The following GALK2 variants were observed in gnomAD, a reference collection of about 807,000 sequenced individuals.
The protein encoded by GALK2 is N-acetylgalactosamine kinase.
Under a neutral mutation model 52.4 loss-of-function variants are expected in GALK2, and 36 were observed. That is an observed-to-expected ratio of 0.69 (90% CI 0.53 to 0.91). GALK2 has a LOEUF of 0.91. GALK2 is among the 40% of genes least tolerant of loss of function. GALK2 has a pLI of 0.00. For missense variants in GALK2, 579 were observed against 559.1 expected, an observed-to-expected ratio of 1.04 and a Z score of -0.36; for synonymous variants, 176 against 199.1, an observed-to-expected ratio of 0.88 and a Z score of 0.98.
chr15:49,348,564 A>G (rs1409231912), intron 3 of GALK2, among the ~76,000 whole-genome samples: 1 of 152,234 alleles, frequency 6.6e-6, no homozygotes, highest in Admixed American at 6.5e-5. Context: ...ACCTCACAGA[A>G]TCACTCGGAG....
intron 1 of GALK2, among the ~76,000 whole-genome samples, chr15:49,182,007 A>T (rs1185918663): frequency 6.6e-6 from 1 of 152,130 alleles, no homozygotes; most frequent in African/African-American, 2.4e-5. Flanking sequence ...CTTTCCAATG[A>T]TAATCTTTTA....
At chr15:49,282,174 T>C in intron 6 of GALK2, 89 bp downstream of exon 6, 2 of 888,620 alleles carry the variant, frequency 2.3e-6, no homozygotes, top group Non-Finnish European at 3.7e-6. Flanking sequence ...CCAGGATGCT[T>C]GGTTATGGAC....
chr15:49,367,033 T>A (rs951227006), intron 3 of GALK2, among the ~76,000 whole-genome samples: 1 of 152,210 alleles, frequency 6.6e-6, no homozygotes, highest in African/African-American at 2.4e-5. Context: ...GTGTAAAAAA[T>A]GTTCTGATAA....
rs573206260 is a variant in GALK2, at chr15:49,183,570, G to A, written c.53+13195G>A. 1.8e-3 allele frequency among the ~76,000 whole-genome samples: 272 copies of A among 152,276 alleles called. 2 individuals are homozygous for A. Among genetic ancestry groups the A allele is most frequent in the Non-Finnish European group, 2.3e-3 (154 of 68,022 alleles). ...TTTTAAAGACTAGTTTTGGCTGGGCGTGGTGGCTCACGCCTGTAATCCCAG... is the reference window on the plus strand; with the variant it reads ...TTTTAAAGACTAGTTTTGGCTGGGCATGGTGGCTCACGCCTGTAATCCCAG... On this transcript the variant is annotated intron_variant, in intron 1 of 9. Coordinates refer to ENST00000560031, the MANE Select transcript of GALK2 (RefSeq NM_002044.4).
At chr15:49,209,611 T>C (rs922469781) in intron 2 of GALK2, among the ~76,000 whole-genome samples, 2 of 152,218 alleles carry the variant, frequency 1.3e-5, no homozygotes, top group African/African-American at 4.8e-5. Flanking sequence ...TTGTCCTTCA[T>C]TCTGTTGATG....
chr15:49,312,252 T>C (rs2036054599), intron 8 of GALK2, among the ~76,000 whole-genome samples: 1 of 152,238 alleles, frequency 6.6e-6, no homozygotes, highest in Admixed American at 6.5e-5. Context: ...ACAGCTTATC[T>C]TATTGTGATG....
intron 5 of GALK2, among the ~76,000 whole-genome samples, chr15:49,277,137 ATTTTTTTTTTTTTTT>A (rs1272500341): frequency 5.6e-5 from 2 of 35,948 alleles, no homozygotes; most frequent in Non-Finnish European, 1.1e-4. Flanking sequence ...TAATTTTTGT[ATTTTTTTTTTTTTTT>A]TTTTTTTTTT....
At chr15:49,303,074 G>C (rs778408888) in intron 8 of GALK2, among the ~76,000 whole-genome samples, 1 of 151,938 alleles carries the variant, frequency 6.6e-6, no homozygotes, top group Non-Finnish European at 1.5e-5. Context: ...TTGCCCATCA[G>C]CTTCTATTGA....
At chr15:49,313,770 T>C (rs564701764) in intron 8 of GALK2, among the ~76,000 whole-genome samples, 1 of 152,356 alleles carries the variant, frequency 6.6e-6, no homozygotes, top group East Asian at 1.9e-4. Context: ...TCAGTGCTTA[T>C]GGCATCCCTC....
intron 3 of GALK2, chr15:49,353,613 G>GT (rs2042577483): frequency 7.8e-6 from 1 of 127,646 alleles, no homozygotes; most frequent in African/African-American, 3.1e-5. Context: ...GGAAAATAAG[G>GT]GTTTTTTTTT....
chr15:49,283,641 A>C lies in GALK2; in HGVS notation c.679A>C (p.Asn227His). 6.2e-7 allele frequency: 1 copy of C among 1,614,076 alleles called. No homozygotes were observed. The highest frequency in any genetic ancestry group is 1.7e-5 in the Admixed American group (1 of 60,020). The change falls in exon 7 of 10, where the codon AAC becomes CAC. Residue 227 changes from asparagine to histidine, a missense_variant. Asn to His is a moderately conservative substitution (Grantham distance 68). Transcript: ENST00000560031. ...AAGTGGAGCAGTGTTTGTGATTGCC[A>C]ACAGTTGTGTGGAGATGAATAAGGC... The part of the protein sequence containing the change: ...LPSGAVFVIA[N>H]SCVEMNKAAT...
chr15:49,225,130 C>T, intron 3 of GALK2: 1 of 445,846 alleles, frequency 2.2e-6, no homozygotes, highest in South Asian at 1.6e-5. Flanking sequence ...ATGACCCTCT[C>T]AGCAGGTCTG....
chr15:49,306,473 A>G lies in GALK2; in HGVS notation c.968-13131A>G, dbSNP rs570067522. Among the ~76,000 whole-genome samples the G allele has an allele frequency of 6.6e-5, 10 of 152,330 alleles. No homozygotes were observed. In the South Asian group the frequency reaches 1.9e-3, roughly 28 times the overall value. Reference sequence around the variant, plus strand: ...TTTGTGGGAAGACAACAATAAAATAATAACTAAAGTGTTCTAATAGAAATA... The same window carrying G: ...TTTGTGGGAAGACAACAATAAAATAGTAACTAAAGTGTTCTAATAGAAATA... On this transcript the variant is annotated intron_variant, in intron 8 of 9. Coordinates refer to ENST00000560031, the MANE Select transcript of GALK2 (RefSeq NM_002044.4).
intron 1 of GALK2, among the ~76,000 whole-genome samples, chr15:49,162,149 C>CT (rs1743568116): frequency 6.6e-6 from 1 of 152,232 alleles, no homozygotes. Flanking sequence ...CTCCTCCCCC[C>CT]TTAACTTTTC....
intron 5 of GALK2, among the ~76,000 whole-genome samples, chr15:49,271,021 A>G (rs1008372331): frequency 7.9e-5 from 12 of 152,180 alleles, no homozygotes; most frequent in African/African-American, 2.9e-4. Context: ...TCCTCTATCC[A>G]TGGGAAGGAA....
At chr15:49,299,750 T>TC (rs1190461642) in intron 8 of GALK2, among the ~76,000 whole-genome samples, 3 of 135,516 alleles carry the variant, frequency 2.2e-5, no homozygotes, top group African/African-American at 5.8e-5. Context: ...TTTCTTTCTT[T>TC]CTTTCTTTCT....
chr15:49,247,295 G>C (rs1036400418), intron 5 of GALK2, among the ~76,000 whole-genome samples: 10 of 152,134 alleles, frequency 6.6e-5, no homozygotes, highest in African/African-American at 2.4e-4. Flanking sequence ...ATCTTCTTTG[G>C]CTTTCATTCT....
intron 3 of GALK2, among the ~76,000 whole-genome samples, chr15:49,345,184 A>G (rs1207911043): frequency 6.6e-6 from 1 of 152,210 alleles, no homozygotes; most frequent in Non-Finnish European, 1.5e-5. Flanking sequence ...TTTGACTTGT[A>G]CATTTATTAT....
In GALK2 at chr15:49,197,640, T is replaced by C. The variant is rs1438573032; in HGVS notation, c.54-3522T>C. ...GTGTTAAATACTTAAATGTGGAATT[T>C]TCCACTTATAACGTCATGTCTGTGC... is the stretch of plus-strand genomic sequence containing the variant. On this transcript the variant is annotated intron_variant, in intron 1 of 9. Transcript: ENST00000560031. 2.0e-5 allele frequency among the ~76,000 whole-genome samples: 3 copies of C among 152,172 alleles called. No homozygotes were observed. In the East Asian group the frequency reaches 5.8e-4, roughly 29 times the overall value.
Sources: allele counts gnomAD v4.1 joint callset (sites outside exome capture counted in the v4.1 genomes callset), GRCh38; gene constraint gnomAD v4.1.1; transcripts MANE v1.5; gene names NCBI Gene and HGNC (gene_info 2026-07-23, HGNC 2026-07-21).